The following ATM variants were observed in gnomAD, a reference collection of about 807,000 sequenced individuals.
ATM encodes ATM serine/threonine kinase.
In ATM, 308 loss-of-function variants were observed where a neutral mutation model predicts 387.0. The ratio of observed to expected loss-of-function variants is 0.80; its 90% CI spans 0.73 to 0.87. The LOEUF is 0.87. ATM is among the 40% of genes least tolerant of loss of function. The pLI, the probability that ATM is intolerant of heterozygous loss-of-function variation, is 0.00. For missense variants in ATM, 3,312 were observed against 3,560.9 expected (o/e 0.93, Z 1.78); for synonymous variants, 1,156 against 1,187.3 (o/e 0.97, Z 0.54).
At chr11:108,301,818 T>A (rs746785712) in intron 35 of ATM, 29 bp downstream of exon 35, 1 of 1,608,704 alleles carries the variant, frequency 6.2e-7, no homozygotes, top group South Asian at 1.1e-5. Context: ...GTTTATTGAA[T>A]ACCCAGCATA....
chr11:108,326,163 C>T lies in ATM; in HGVS notation c.6913C>T (p.Gln2305Ter), dbSNP rs1282099124. Residue 2305 changes from glutamine (Q) to a stop codon, truncating the protein, a stop_gained, in exon 47 of 63, where the codon CAG (glutamine) becomes TAG (stop). Transcript: ENST00000675843. LOFTEE classifies it high-confidence loss of function. ...EAQVFWAKKE[Q>*]SLALSILKQM... ...ACAAGTATTCTGGGCAAAAAAGGAG[C>T]AGAGTCTTGCCCTGAGTATTCTCAA... 1 of 1,614,120 alleles carries T rather than the reference C, an allele frequency of 6.2e-7. No homozygotes were observed. The highest frequency in any genetic ancestry group is 8.5e-7 in the Non-Finnish European group (1 of 1,180,016).
At chr11:108,300,224 G>A (rs750302817) in intron 34 of ATM, among the ~76,000 whole-genome samples, 8 of 152,176 alleles carry the variant, frequency 5.3e-5, no homozygotes, top group Non-Finnish European at 8.8e-5. Flanking sequence ...GTCAGTATCA[G>A]AGGTGCCACT....
intron 51 of ATM, 35 bp downstream of exon 51, chr11:108,331,592 T>G (rs1436436394): frequency 1.3e-6 from 2 of 1,541,444 alleles, no homozygotes; most frequent in Non-Finnish European, 1.8e-6. Context: ...ACAATAATTA[T>G]TTTTATTCTA....
chr11:108,293,147 G>A (rs1023275796), intron 30 of ATM, among the ~76,000 whole-genome samples, 166 bp from the exon 31 acceptor site: 1 of 152,024 alleles, frequency 6.6e-6, no homozygotes, highest in African/African-American at 2.4e-5. Context: ...CATAGTTATT[G>A]AATTATTTGA....
chr11:108,232,037 A>G (rs1411391639), intron 4 of ATM, among the ~76,000 whole-genome samples: 1 of 152,220 alleles, frequency 6.6e-6, no homozygotes, highest in African/African-American at 2.4e-5. Context: ...TGAGAGAAAG[A>G]TAACATGTCA....
In ATM at chr11:108,332,782, T is replaced by C. The variant is rs2136562134; in HGVS notation, c.7809T>C (p.Asn2603=). The change falls in exon 53 of 63, where the codon AAT becomes AAC. Residue 2603 remains asparagine, a synonymous_variant. Coordinates refer to ENST00000675843, the MANE Select transcript of ATM (RefSeq NM_000051.4). ...QLDEDRTEAA[N]RIICTIRSRR... is the part of the protein sequence containing the mutation. ...AATAGGATCGAACAGAGGCTGCAAA[T>C]AGAATAATATGTACTATCAGAAGTA... is the stretch of plus-strand genomic sequence containing the variant. The C allele has an allele frequency of 6.2e-7, 1 of 1,613,208 alleles. No individual in the cohort carries two copies. The highest frequency in any genetic ancestry group is 8.5e-7 in the Non-Finnish European group (1 of 1,179,730).
rs886961687 is a variant in ATM, at chr11:108,361,365, A to C, written c.8851-3717A>C. Among the ~76,000 whole-genome samples, 867 of 151,218 alleles carry C rather than the reference A, an allele frequency of 5.7e-3. 8 individuals are homozygous for C. Among genetic ancestry groups the C allele is most frequent in the African/African-American group, 0.017 (700 of 41,068 alleles). On this transcript the variant is annotated intron_variant, in intron 61 of 62. Transcript: ENST00000675843. ...AAGAATCAATATTGTGAAAATGGCCATACTGCCCAAGGTAATTTACAGATT... is the reference window on the plus strand; with the variant it reads ...AAGAATCAATATTGTGAAAATGGCCCTACTGCCCAAGGTAATTTACAGATT...
chr11:108,251,307 A>C (rs1053327590), intron 10 of ATM, among the ~76,000 whole-genome samples: 12 of 152,216 alleles, frequency 7.9e-5, no homozygotes, highest in Non-Finnish European at 1.8e-4. Context: ...TTAGTTAAAA[A>C]ATTTTTAATT....
At chr11:108,255,930 A>G (rs1210896584) in intron 13 of ATM, among the ~76,000 whole-genome samples, 1 of 151,630 alleles carries the variant, frequency 6.6e-6, no homozygotes, top group Non-Finnish European at 1.5e-5. Context: ...TTTCATCCCT[A>G]CCTCAAATAT....
intron 13 of ATM, among the ~76,000 whole-genome samples, chr11:108,254,574 A>G (rs949674535): frequency 1.6e-4 from 24 of 152,146 alleles, no homozygotes; most frequent in Admixed American, 1.5e-3. Context: ...ATGTCTTTCT[A>G]CCTATTTCTG....
rs876660062 is a variant in ATM, at chr11:108,315,878, G to A, written c.6062G>A (p.Cys2021Tyr). Reference protein sequence around the residue: ...SIGEPDSLYGCGGGKMLQPIT... With the variant: ...SIGEPDSLYGYGGGKMLQPIT... ...GGGGAGCCAGATAGTTTGTATGGCT[G>A]TGGTGGAGGGAAGATGTTACAACCC... Residue 2021 changes from cysteine to tyrosine, a missense_variant, in exon 41 of 63, where the codon TGT (cysteine) becomes TAT (tyrosine). By Grantham distance (194) the Cys-to-Tyr change is radical. This residue lies in a region of ATM where 1,405 missense variants were observed against 1,604.4 expected (regional missense o/e 0.88). Transcript: ENST00000675843. The A allele has an allele frequency of 1.9e-6, 3 of 1,612,960 alleles. No homozygotes were observed. The highest frequency in any genetic ancestry group is 2.5e-6 in the Non-Finnish European group (3 of 1,179,058).
intron 31 of ATM, among the ~76,000 whole-genome samples, chr11:108,293,884 AAAAAAAAAAAATATATAT>A (rs2082958116): frequency 9.7e-6 from 1 of 103,244 alleles, no homozygotes; most frequent in Non-Finnish European, 2.0e-5. Flanking sequence ...TCTCAAAAAA[AAAAAAAAAAAATATATAT>A]ATATATATAT....
At chr11:108,323,351 T>C (rs2085368125) in intron 45 of ATM, among the ~76,000 whole-genome samples, 1 of 152,096 alleles carries the variant, frequency 6.6e-6, no homozygotes, top group Non-Finnish European at 1.5e-5. Flanking sequence ...GAGTACAGAA[T>C]TCTTTAAGAA....
intron 61 of ATM, among the ~76,000 whole-genome samples, chr11:108,364,633 T>C (rs1358817559): frequency 6.6e-6 from 1 of 152,160 alleles, no homozygotes; most frequent in African/African-American, 2.4e-5. Flanking sequence ...CTGATAAAAC[T>C]ATTGGAGAAG....
rs765286461 is a variant in ATM at position 108,272,754 on chromosome 11, T to G, written c.3186T>G (p.Asn1062Lys). 1 of 1,614,076 alleles carries G rather than the reference T, an allele frequency of 6.2e-7. No homozygotes were observed. Among genetic ancestry groups the G allele is most frequent in the South Asian group, 1.1e-5 (1 of 91,078 alleles). Residue 1062 changes from asparagine (N) to lysine (K), a missense_variant, in exon 22 of 63, where the codon AAT becomes AAG. This residue lies in a region of ATM where 1,791 missense variants were observed against 1,804.5 expected (regional missense o/e 0.99). Transcript: ENST00000675843. ...CTTATTCAAAATGGGCCATTCTTAA[T>G]GTAATGGGAAAAGACTTTCCTGTAA... The part of the protein sequence containing the change: ...ADPYSKWAIL[N>K]VMGKDFPVNE...
intron 24 of ATM, among the ~76,000 whole-genome samples, chr11:108,281,638 T>C (rs2082238286): frequency 6.6e-6 from 1 of 152,192 alleles, no homozygotes; most frequent in African/African-American, 2.4e-5. Context: ...AGCACAGTAT[T>C]ATAGAATGTT....
At chr11:108,236,167 C>T (rs2079267511) in intron 5 of ATM, 1 of 343,262 alleles carries the variant, frequency 2.9e-6, no homozygotes, top group Non-Finnish European at 5.6e-6. Flanking sequence ...TATTTGGGTT[C>T]AGTAGGTATA....
Position 108,256,265 on chromosome 11 carries a change from C to T in ATM, c.2175C>T (p.Val725=), listed in dbSNP as rs140110298. The part of the protein sequence containing the change: ...LVRCSRLLVG[V]LGCYCYMGVI... ...GGTGTTCACGTCTTTTGGTGGGTGT[C>T]CTTGGCTGCTACTGTTACATGGGTG... The change falls in exon 14 of 63, where the codon GTC becomes GTT. Residue 725 remains valine (V), a synonymous_variant. Transcript: ENST00000675843. The T allele has an allele frequency of 9.9e-6, 16 of 1,610,676 alleles. No homozygotes were observed. The highest frequency in any genetic ancestry group is 1.2e-5 in the Non-Finnish European group (14 of 1,177,908).
intron 48 of ATM, among the ~76,000 whole-genome samples, chr11:108,328,623 C>T (rs2085932751): frequency 6.6e-6 from 1 of 152,172 alleles, no homozygotes; most frequent in South Asian, 2.1e-4. Context: ...GTTATTTCTA[C>T]ACTGTCAAAG....
Sources: allele counts gnomAD v4.1 joint callset (sites outside exome capture counted in the v4.1 genomes callset), GRCh38; gene constraint gnomAD v4.1.1; regional missense constraint gnomAD v4.1.1; transcripts MANE v1.5; gene names NCBI Gene and HGNC (gene_info 2026-07-23, HGNC 2026-07-21).